SLC35A1: variants seen among roughly 807,000 people sequenced by gnomAD.
SLC35A1 encodes CMP-sialic acid transporter.
SLC35A1 carries 21 observed loss-of-function variants against 40.3 expected under a neutral mutation model. The observed-to-expected ratio is 0.52, with a 90% confidence interval of 0.37 to 0.75. SLC35A1 has a LOEUF of 0.75. Among genes scored for constraint, SLC35A1 ranks in the 30% least tolerant of loss-of-function variants. SLC35A1 has a pLI of 0.00. For missense variants in SLC35A1, 297 were observed against 382.1 expected (o/e 0.78, Z 1.86); for synonymous variants, 146 against 147.3 (o/e 0.99, Z 0.06).
Position 87,511,535 on chromosome 6 carries a change from T to G in SLC35A1, c.*9T>G. ...GAGTTATTGGTGTGTGATTTTAGCC[T>G]CACGTGAGACTCCTTTTAAGACTAA... On this transcript the variant is annotated 3_prime_UTR_variant, in exon 8 of 8. Transcript: ENST00000369552. 1 of 1,613,930 alleles carries G rather than the reference T, an allele frequency of 6.2e-7. No homozygotes were observed. The highest frequency in any genetic ancestry group is 8.5e-7 in the Non-Finnish European group (1 of 1,179,846).
At chr6:87,499,728 T>C (rs1189324749) in intron 2 of SLC35A1, among the ~76,000 whole-genome samples, 1 of 152,072 alleles carries the variant, frequency 6.6e-6, no homozygotes, top group East Asian at 1.9e-4. Flanking sequence ...ACTAAATTCA[T>C]TTATAAATAA....
chr6:87,477,615 A>G (rs1416719810), intron 2 of SLC35A1, 76 bp downstream of exon 2: 3 of 1,236,350 alleles, frequency 2.4e-6, no homozygotes, highest in Non-Finnish European at 3.6e-6. Flanking sequence ...TTCAAGCTAC[A>G]TCTTTATATG....
chr6:87,485,299 T>TA (rs1454722927), intron 2 of SLC35A1, among the ~76,000 whole-genome samples: 5 of 152,110 alleles, frequency 3.3e-5, no homozygotes, highest in Non-Finnish European at 7.4e-5. Flanking sequence ...TGTGTAGAGC[T>TA]AAAAAAATGA....
intron 7 of SLC35A1, among the ~76,000 whole-genome samples, chr6:87,509,721 C>T (rs1007842762): frequency 1.3e-5 from 2 of 152,068 alleles, no homozygotes; most frequent in Non-Finnish European, 2.9e-5. Context: ...GTAATTAATA[C>T]AAAACTCATT....
intron 2 of SLC35A1, among the ~76,000 whole-genome samples, chr6:87,499,795 A>G (rs768109455): frequency 2.6e-5 from 4 of 152,284 alleles, no homozygotes; most frequent in Non-Finnish European, 4.4e-5. Flanking sequence ...TTTTATTTGC[A>G]ATTAAATCTA....
intron 4 of SLC35A1, among the ~76,000 whole-genome samples, chr6:87,501,999 G>A (rs1394426286): frequency 2.0e-5 from 3 of 152,162 alleles, no homozygotes; most frequent in African/African-American, 7.2e-5. Flanking sequence ...AAGGTCAGGA[G>A]TTTCCTACAG....
At chr6:87,473,754 AGTGT>A (rs1336232749) in intron 1 of SLC35A1, among the ~76,000 whole-genome samples, 1 of 152,218 alleles carries the variant, frequency 6.6e-6, no homozygotes, top group Non-Finnish European at 1.5e-5. Flanking sequence ...TTTGCTGAGC[AGTGT>A]GTGTAAGTTG....
chr6:87,487,193 A>C (rs1674207472), intron 2 of SLC35A1, among the ~76,000 whole-genome samples: 1 of 152,140 alleles, frequency 6.6e-6, no homozygotes, highest in South Asian at 2.1e-4. Flanking sequence ...AAAAAAGAAA[A>C]AGAAAGTCAT....
At chr6:87,505,535 G>T (rs1397312143) in intron 4 of SLC35A1, among the ~76,000 whole-genome samples, 1 of 152,090 alleles carries the variant, frequency 6.6e-6, no homozygotes, top group Admixed American at 6.5e-5. Flanking sequence ...ATTTTCTGCT[G>T]CTATAACAGA....
chr6:87,508,606 C>A lies in SLC35A1; in HGVS notation c.751+10C>A, dbSNP rs780907462. ...GTCTGGTTTGTCATCTGTAAGTATCCAGGAATTAAAGGTTCTTAGTAGATC... is the reference window on the plus strand; with the variant it reads ...GTCTGGTTTGTCATCTGTAAGTATCAAGGAATTAAAGGTTCTTAGTAGATC... On this transcript the variant is annotated intron_variant, in intron 6 of 7. Coordinates refer to ENST00000369552, the MANE Select transcript of SLC35A1 (RefSeq NM_006416.5). 31 of 1,606,476 alleles carry A rather than the reference C, an allele frequency of 1.9e-5. No individual in the cohort carries two copies. The South Asian group carries it at 3.1e-4, about 16-fold the overall frequency.
At chr6:87,480,725 C>T (rs1769219979) in intron 2 of SLC35A1, among the ~76,000 whole-genome samples, 1 of 151,414 alleles carries the variant, frequency 6.6e-6, no homozygotes, top group Non-Finnish European at 1.5e-5. Context: ...GTGGTAGGAA[C>T]AGTAATGGAT....
rs1769920133 is a variant in SLC35A1 at position 87,501,402 on chromosome 6, C to G, written c.507+92C>G. On this transcript the variant is annotated intron_variant, in intron 4 of 7. Coordinates refer to ENST00000369552, the MANE Select transcript of SLC35A1 (RefSeq NM_006416.5). ...AGTTACATTGATGCATGCAGCATGACTACATTTCTTTGATTTAAAATAACT... is the reference window on the plus strand; with the variant it reads ...AGTTACATTGATGCATGCAGCATGAGTACATTTCTTTGATTTAAAATAACT... 8 of 1,274,294 alleles carry G rather than the reference C, an allele frequency of 6.3e-6. No homozygotes were observed. In the Admixed American group the frequency reaches 1.6e-4, roughly 25 times the overall value. The allele number at this position is 1,274,294 out of a possible 1,614,324, so 78.9% of individuals were successfully genotyped here.
At chr6:87,474,572 A>T (rs1036055544) in intron 1 of SLC35A1, among the ~76,000 whole-genome samples, 2 of 152,194 alleles carry the variant, frequency 1.3e-5, no homozygotes, top group African/African-American at 4.8e-5. Flanking sequence ...GTGATTACAT[A>T]TGGACTTTTG....
chr6:87,480,060 C>T (rs1168465252), intron 2 of SLC35A1, among the ~76,000 whole-genome samples: 3 of 152,212 alleles, frequency 2.0e-5, no homozygotes, highest in Non-Finnish European at 4.4e-5. Context: ...CTCCATAATA[C>T]CACCATACAT....
chr6:87,473,259 A>G (rs1245257032), intron 1 of SLC35A1, among the ~76,000 whole-genome samples: 1 of 152,136 alleles, frequency 6.6e-6, no homozygotes, highest in Non-Finnish European at 1.5e-5. Context: ...CAGAGACCGC[A>G]CTGACCTCCA....
At chr6:87,475,237 T>C (rs778621152) in intron 1 of SLC35A1, among the ~76,000 whole-genome samples, 1 of 152,232 alleles carries the variant, frequency 6.6e-6, no homozygotes, top group Non-Finnish European at 1.5e-5. Flanking sequence ...TTTTCACATA[T>C]CACAAGATGT....
At chr6:87,486,100 C>A (rs1400304381) in intron 2 of SLC35A1, among the ~76,000 whole-genome samples, 2 of 152,124 alleles carry the variant, frequency 1.3e-5, no homozygotes, top group Non-Finnish European at 2.9e-5. Flanking sequence ...AAAGCTTAAT[C>A]TCATTATAGA....
intron 7 of SLC35A1, 32 bp downstream of exon 7, chr6:87,509,207 T>C (rs1000591971): frequency 2.5e-6 from 4 of 1,613,210 alleles, no homozygotes; most frequent in Admixed American, 1.7e-5. Context: ...GTTTTTAACA[T>C]GGAAGAGCCT....
At chr6:87,484,450 C>T (rs1769334579) in intron 2 of SLC35A1, among the ~76,000 whole-genome samples, 1 of 152,132 alleles carries the variant, frequency 6.6e-6, no homozygotes, top group Non-Finnish European at 1.5e-5. Context: ...CACACTTGGA[C>T]AAGGGAGGAA....
Sources: allele counts gnomAD v4.1 joint callset (sites outside exome capture counted in the v4.1 genomes callset), GRCh38; gene constraint gnomAD v4.1.1; transcripts MANE v1.5; gene names NCBI Gene and HGNC (gene_info 2026-07-23, HGNC 2026-07-21).